The following ZNF69 variants were observed in gnomAD, a reference collection of about 807,000 sequenced individuals.
The protein encoded by ZNF69 is ZNF3.
ZNF69 carries 47 observed loss-of-function variants against 50.9 expected under a neutral mutation model. The ratio of observed to expected loss-of-function variants is 0.92; its 90% CI spans 0.73 to 1.18. The LOEUF is 1.18. Ranked by LOEUF, ZNF69 falls within the 50% of genes most tolerant of loss-of-function variation. ZNF69 has a pLI of 0.00. For synonymous variants in ZNF69, 216 were observed against 223.1 expected (o/e 0.97, Z 0.29); for missense variants, 717 against 675.1 (o/e 1.06, Z -0.69).
At chr19:11,948,486 T>G in the ZNF69 span, 5 of 1,613,890 alleles carry the variant, frequency 3.1e-6, no homozygotes, top group Non-Finnish European at 4.2e-6. Flanking sequence ...ACAAGGCATA[T>G]GAGTATCAGG....
At chr19:11,963,390 C>T in the ZNF69 span, among the ~76,000 whole-genome samples, 4 of 152,156 alleles carry the variant, frequency 2.6e-5, no homozygotes, top group Admixed American at 6.5e-5. Context: ...CCATGGTATC[C>T]GGCCTCCCAG....
chr19:11,933,125 A>G, the ZNF69 span, among the ~76,000 whole-genome samples: 3 of 147,546 alleles, frequency 2.0e-5, no homozygotes, highest in Admixed American at 2.0e-4. Context: ...CCTATTTTAA[A>G]CATCTTGACT....
At chr19:11,967,818 G>A in the ZNF69 span, among the ~76,000 whole-genome samples, 2 of 152,186 alleles carry the variant, frequency 1.3e-5, no homozygotes, top group African/African-American at 4.8e-5. Context: ...TTGTTATGTA[G>A]GGGTCTTGTC....
the ZNF69 span, among the ~76,000 whole-genome samples, chr19:11,935,341 A>T: frequency 2.1e-5 from 3 of 141,098 alleles, no homozygotes; most frequent in Non-Finnish European, 4.5e-5. Context: ...GGTTCAAGTG[A>T]TTCATCTGCC....
the ZNF69 span, among the ~76,000 whole-genome samples, chr19:11,921,486 T>TTTTGTTTGTTTG: frequency 1.3e-5 from 2 of 150,732 alleles, no homozygotes; most frequent in South Asian, 4.2e-4. Flanking sequence ...GGAAAATTTC[T>TTTTGTTTGTTTG]TTTGTTTGTT....
the ZNF69 span, among the ~76,000 whole-genome samples, chr19:11,920,104 C>CTT: frequency 5.8e-5 from 8 of 137,226 alleles, no homozygotes; most frequent in East Asian, 2.1e-4. Flanking sequence ...GGAACTTTTA[C>CTT]TTTTTTTTTT....
the ZNF69 span, among the ~76,000 whole-genome samples, chr19:11,926,086 A>G: frequency 6.6e-6 from 1 of 152,072 alleles, no homozygotes; most frequent in Non-Finnish European, 1.5e-5. Context: ...GGTAGGAAGG[A>G]AGGGGGTCTG....
At chr19:11,947,216 C>G in the ZNF69 span, 2 of 1,613,972 alleles carry the variant, frequency 1.2e-6, no homozygotes, top group Non-Finnish European at 1.7e-6. Context: ...CTGTGAACTT[C>G]ACCCAGGAAG....
At chr19:11,978,911 A>T in the ZNF69 span, 1 of 1,614,166 alleles carries the variant, frequency 6.2e-7, no homozygotes, top group Non-Finnish European at 8.5e-7. Context: ...CCTATCTTAG[A>T]CATAAAAGGA....
the ZNF69 span, among the ~76,000 whole-genome samples, chr19:11,945,463 C>T: frequency 1.3e-5 from 2 of 152,196 alleles, no homozygotes; most frequent in African/African-American, 4.8e-5. Context: ...TCCATGGAGA[C>T]TGGCAAAGGA....
the ZNF69 span, among the ~76,000 whole-genome samples, chr19:11,924,431 C>CAAA: frequency 0.02 from 1,294 of 65,156 alleles, 9 homozygotes; most frequent in South Asian, 0.034. Context: ...GACTCCGTCT[C>CAAA]AAAAAAAAAA....
chr19:11,954,027 CTTTTT>C, the ZNF69 span, among the ~76,000 whole-genome samples: 2 of 151,990 alleles, frequency 1.3e-5, no homozygotes, highest in Non-Finnish European at 2.9e-5. Flanking sequence ...TACTTTTGTG[CTTTTT>C]TTATAAAACA....
chr19:11,957,090 A>ACTT, the ZNF69 span, among the ~76,000 whole-genome samples: 11 of 138,946 alleles, frequency 7.9e-5, no homozygotes, highest in South Asian at 4.6e-4. Context: ...GTAAGAAATA[A>ACTT]GTTTTTTTTT....
At chr19:11,977,001 C>G in the ZNF69 span, 8,818 of 1,612,170 alleles carry the variant, frequency 5.5e-3, 373 homozygotes, top group African/African-American at 0.095. Context: ...TGCTGTCACT[C>G]TCACCCAGCC....
Position 11,906,611 on chromosome 19 carries a change from T to G in ZNF69, c.*513T>G, listed in dbSNP as rs146649690. On this transcript the variant is annotated 3_prime_UTR_variant, in exon 4 of 4. Coordinates refer to ENST00000429654, the MANE Select transcript of ZNF69 (RefSeq NM_001364730.1). Reference sequence around the variant, plus strand: ...AAATCCAACAGACCTCAGCTGAGGGTCCTGACTGTTAGAAGGAAAACTAAC... The same window carrying G: ...AAATCCAACAGACCTCAGCTGAGGGGCCTGACTGTTAGAAGGAAAACTAAC... Among the ~76,000 whole-genome samples the G allele has an allele frequency of 5.4e-4, 82 of 152,186 alleles. No individual in the cohort carries two copies. In the East Asian group the frequency reaches 0.012, roughly 23 times the overall value.
chr19:11,911,371 C>G (rs1258103051), downstream of ZNF69, among the ~76,000 whole-genome samples: 3 of 152,138 alleles, frequency 2.0e-5, no homozygotes, highest in East Asian at 5.8e-4. Context: ...GACACATGCA[C>G]ACGTATGTTT....
intron 1 of ZNF69, among the ~76,000 whole-genome samples, chr19:11,901,983 T>C (rs903134458): frequency 6.7e-5 from 10 of 148,528 alleles, no homozygotes; most frequent in African/African-American, 9.9e-5. Flanking sequence ...ATTTTCTTTT[T>C]TTTTTTTTTT....
At chr19:11,972,304 G>A in the ZNF69 span, among the ~76,000 whole-genome samples, 16 of 151,840 alleles carry the variant, frequency 1.1e-4, no homozygotes, top group African/African-American at 3.4e-4. Context: ...AAAAAAAAGG[G>A]AAGAAAAGAA....
downstream of ZNF69, among the ~76,000 whole-genome samples, chr19:11,918,771 T>A (rs956005528): frequency 2.8e-4 from 43 of 152,208 alleles, no homozygotes; most frequent in South Asian, 8.3e-4. Context: ...GTTTTTTTTT[T>A]AAAACCAAGA....
Sources: allele counts gnomAD v4.1 joint callset (sites outside exome capture counted in the v4.1 genomes callset), GRCh38; gene constraint gnomAD v4.1.1; transcripts MANE v1.5; gene names NCBI Gene and HGNC (gene_info 2026-07-23, HGNC 2026-07-21).